Variants in C2CD5 observed in about 807,000 individuals in gnomAD.
C2CD5 encodes C2 domain-containing protein 5.
Under a neutral mutation model 130.3 loss-of-function variants are expected in C2CD5, and 109 were observed. That is an observed-to-expected ratio of 0.84 (90% CI 0.72 to 0.98). C2CD5 has a LOEUF of 0.98. C2CD5 is among the 50% of genes least tolerant of loss of function. The pLI is 0.00. For synonymous variants in C2CD5, 454 were observed against 429.2 expected (o/e 1.06, Z -0.71); for missense variants, 996 against 1,261.8 (o/e 0.79, Z 3.19).
At chr12:22,489,307 T>C (rs976742726) in intron 12 of C2CD5, among the ~76,000 whole-genome samples, 2 of 151,590 alleles carry the variant, frequency 1.3e-5, no homozygotes, top group Non-Finnish European at 2.9e-5. Flanking sequence ...ACTAATAGTT[T>C]ATATATGTGT....
intron 8 of C2CD5, among the ~76,000 whole-genome samples, chr12:22,514,718 T>A (rs1323775748): frequency 6.6e-6 from 1 of 152,026 alleles, no homozygotes; most frequent in African/African-American, 2.4e-5. Flanking sequence ...AATAAGAATC[T>A]AATAATATTA....
chr12:22,464,404 C>A (rs1241390442), intron 22 of C2CD5, among the ~76,000 whole-genome samples: 1 of 152,180 alleles, frequency 6.6e-6, no homozygotes, highest in Non-Finnish European at 1.5e-5. Context: ...TCCAAATAAT[C>A]CGTTTTCTGT....
chr12:22,535,313 T>C lies in C2CD5; in HGVS notation c.122A>G (p.Asp41Gly), dbSNP rs762292237. The change falls in exon 3 of 27, where the codon GAT (aspartate) becomes GGT (glycine). Residue 41 changes from aspartate to glycine, a missense_variant. Physicochemically the swap from Asp to Gly is moderately conservative, Grantham distance 94. Coordinates refer to ENST00000446597, the MANE Select transcript of C2CD5 (RefSeq NM_001286176.2). ...VKFGNTTFKT[D>G]VYLKSLNPQW... ...AGGGTTGAGTGACTTAAGGTACACA[T>C]CTGTTTTAAAGGTGGTATTACCAAA... The C allele has an allele frequency of 2.5e-6, 4 of 1,604,860 alleles. No homozygotes were observed. Among genetic ancestry groups the C allele is most frequent in the Non-Finnish European group, 2.6e-6 (3 of 1,172,104 alleles).
intron 19 of C2CD5, 26 bp from the exon 20 acceptor site, chr12:22,471,514 G>A (rs1307309652): frequency 1.5e-6 from 2 of 1,300,154 alleles, no homozygotes; most frequent in South Asian, 1.5e-5. Context: ...TATTAGTAAT[G>A]TCACTTTTTT....
At chr12:22,499,507 G>C (rs74900997) in intron 10 of C2CD5, among the ~76,000 whole-genome samples, 1,524 of 152,270 alleles carry the variant, frequency 0.01, 26 homozygotes, top group African/African-American at 0.035. Context: ...ACTTAAAAGA[G>C]TACGTGGCAT....
At chr12:22,450,538 G>C (rs1475397193) in intron 26 of C2CD5, among the ~76,000 whole-genome samples, 1 of 151,680 alleles carries the variant, frequency 6.6e-6, no homozygotes. Context: ...GATAAATTAA[G>C]AACAATTTGC....
chr12:22,508,300 T>C (rs1948809425), intron 9 of C2CD5, among the ~76,000 whole-genome samples: 1 of 151,980 alleles, frequency 6.6e-6, no homozygotes, highest in African/African-American at 2.4e-5. Context: ...AAAAAACTGG[T>C]CTATGGAAGT....
At chr12:22,474,026 G>C (rs578070643) in intron 16 of C2CD5, among the ~76,000 whole-genome samples, 10 of 152,166 alleles carry the variant, frequency 6.6e-5, no homozygotes, top group Non-Finnish European at 1.3e-4. Context: ...CACTGGCACC[G>C]TTCCTGACTC....
At chr12:22,503,553 T>C (rs1456457368) in intron 10 of C2CD5, among the ~76,000 whole-genome samples, 1 of 152,094 alleles carries the variant, frequency 6.6e-6, no homozygotes, top group Non-Finnish European at 1.5e-5. Flanking sequence ...CTCTGTCACC[T>C]AGGCTGGAGT....
At chr12:22,456,769 CAATA>C (rs1939954121) in intron 25 of C2CD5, among the ~76,000 whole-genome samples, 198 bp downstream of exon 25, 1 of 152,066 alleles carries the variant, frequency 6.6e-6, no homozygotes, top group South Asian at 2.1e-4. Context: ...AGATTTCTAA[CAATA>C]AATAGGTTTA....
intron 9 of C2CD5, among the ~76,000 whole-genome samples, chr12:22,512,237 T>C (rs1229606112): frequency 6.6e-6 from 1 of 152,224 alleles, no homozygotes; most frequent in Non-Finnish European, 1.5e-5. Context: ...GGGAAAAGTC[T>C]AGAAAATAAA....
chr12:22,522,586 C>A (rs1950365238), intron 7 of C2CD5, among the ~76,000 whole-genome samples: 4 of 151,968 alleles, frequency 2.6e-5, no homozygotes, highest in Admixed American at 2.6e-4. Flanking sequence ...ATGGGCAGAC[C>A]CTAAAGTATT....
intron 22 of C2CD5, among the ~76,000 whole-genome samples, chr12:22,461,926 C>G: frequency 6.6e-6 from 1 of 151,820 alleles, no homozygotes; most frequent in Non-Finnish European, 1.5e-5. Context: ...CCAAGAGGCC[C>G]AAGGCCAGCT....
chr12:22,458,744 A>G, intron 23 of C2CD5, 159 bp from the exon 24 acceptor site: 1 of 367,836 alleles, frequency 2.7e-6, no homozygotes, highest in Non-Finnish European at 4.8e-6. Flanking sequence ...TAAAGAGTCA[A>G]GCTTTAGACA....
intron 3 of C2CD5, among the ~76,000 whole-genome samples, chr12:22,534,378 G>C (rs1951626905): frequency 6.6e-6 from 1 of 152,064 alleles, no homozygotes. Flanking sequence ...AAATATATTG[G>C]ACTTCATCAA....
rs1214899297 is a variant in C2CD5 at position 22,472,347 on chromosome 12, C to T, written c.2108G>A (p.Gly703Asp). The change falls in exon 18 of 27, where the codon GGC becomes GAC. Residue 703 changes from glycine to aspartate, a missense_variant and splice_region_variant. Around this residue, in one of 9 missense-constraint regions of C2CD5, gnomAD observed 590 missense variants for 631.4 expected, o/e 0.93. Transcript: ENST00000446597. Reference sequence around the variant, plus strand: ...AATTTCTGTATTACAACTATAAAAGCCTGTCAAAATAAATTGTAATCAAAA... The same window carrying T: ...AATTTCTGTATTACAACTATAAAAGTCTGTCAAAATAAATTGTAATCAAAA... ...SLLTDVPPPS[G>D]FYSCNTEIMP... 2.2e-6 allele frequency: 3 copies of T among 1,391,490 alleles called. No homozygotes were observed. The highest frequency in any genetic ancestry group is 1.5e-5 in the African/African-American group (1 of 68,864). The allele number at this position is 1,391,490 out of a possible 1,614,324, so 86.2% of individuals were successfully genotyped here.
chr12:22,493,203 A>C lies in C2CD5; in HGVS notation c.1262+20T>G. On this transcript the variant is annotated intron_variant, in intron 11 of 26. Transcript: ENST00000446597. ...AGTCTAAATTAGTGTCTGGAAAATC[A>C]AGTTGTTATTATCATTTACCAGATG... The C allele has an allele frequency of 7.4e-7, 1 of 1,351,952 alleles. No individual in the cohort carries two copies. Among genetic ancestry groups the C allele is most frequent in the Non-Finnish European group, 1.0e-6 (1 of 960,320 alleles). 83.7% of individuals were successfully genotyped at this position (1,351,952 alleles called of 1,614,324 possible).
chr12:22,523,612 C>G lies in C2CD5; in HGVS notation c.614G>C (p.Arg205Thr). ...TTCAAGTACTTTCAAGCCAATCTTC[C>G]TCTGCAGCTCACCTACAAAACATGG... ...LISLMSGELQRKIGLKVLEMR... is the reference protein window; with the variant it reads ...LISLMSGELQTKIGLKVLEMR... Residue 205 changes from arginine to threonine, a missense_variant, in exon 7 of 27, where the codon AGG (arginine) becomes ACG (threonine). Coordinates refer to ENST00000446597, the MANE Select transcript of C2CD5 (RefSeq NM_001286176.2). The G allele has an allele frequency of 6.2e-7, 1 of 1,612,724 alleles. No homozygotes were observed. Among genetic ancestry groups the G allele is most frequent in the Non-Finnish European group, 8.5e-7 (1 of 1,179,592 alleles).
chr12:22,455,457 AG>A (rs1939635596), intron 25 of C2CD5, among the ~76,000 whole-genome samples: 1 of 152,192 alleles, frequency 6.6e-6, no homozygotes, highest in Non-Finnish European at 1.5e-5. Context: ...AAGAAGGCTT[AG>A]GAAATACAAT....
Sources: allele counts gnomAD v4.1 joint callset (sites outside exome capture counted in the v4.1 genomes callset), GRCh38; gene constraint gnomAD v4.1.1; regional missense constraint gnomAD v4.1.1; transcripts MANE v1.5; gene names NCBI Gene and HGNC (gene_info 2026-07-23, HGNC 2026-07-21).